Variants in NTAQ1 observed in about 807,000 individuals in gnomAD.
NTAQ1 encodes N-terminal glutamine amidase 1.
A neutral mutation model predicts 28.2 loss-of-function variants in NTAQ1; 21 were observed. The ratio of observed to expected loss-of-function variants is 0.74; its 90% CI spans 0.53 to 1.07. The LOEUF (loss-of-function observed/expected upper bound fraction) is 1.07. Among genes scored for constraint, NTAQ1 ranks in the 50% least tolerant of loss-of-function variants. The pLI is 0.00. For synonymous variants in NTAQ1, 105 were observed against 90.0 expected (o/e 1.17, Z -0.94); for missense variants, 264 against 256.6 (o/e 1.03, Z -0.20).
downstream of NTAQ1, among the ~76,000 whole-genome samples, chr8:123,449,059 G>C (rs780252016): frequency 6.6e-6 from 1 of 152,210 alleles, no homozygotes; most frequent in Non-Finnish European, 1.5e-5. Flanking sequence ...TGAAAGCCCT[G>C]TCTCCTGGGA....
chr8:123,451,443 A>C (rs185906896), downstream of NTAQ1, among the ~76,000 whole-genome samples: 19 of 152,224 alleles, frequency 1.2e-4, no homozygotes, highest in Admixed American at 3.3e-4. Flanking sequence ...GATTCAAGGG[A>C]TTCTCCTGCC....
chr8:123,434,129 G>GCTCCTGCCTGCATTGCT (rs373215386), intron 3 of NTAQ1, among the ~76,000 whole-genome samples: 14 of 152,112 alleles, frequency 9.2e-5, no homozygotes, highest in East Asian at 7.7e-4. Context: ...GCGCTTACCT[G>GCTCCTGCCTGCATTGCT]CTCCTGCCTG....
intron 6 of NTAQ1, among the ~76,000 whole-genome samples, chr8:123,464,219 G>T (rs1440369419): frequency 6.6e-6 from 1 of 152,170 alleles, no homozygotes; most frequent in Non-Finnish European, 1.5e-5. Context: ...GAGCAAGGAG[G>T]CTGGGTCTTT....
intron 6 of NTAQ1, among the ~76,000 whole-genome samples, chr8:123,455,785 G>A (rs1226938789): frequency 1.3e-5 from 2 of 152,058 alleles, no homozygotes; most frequent in Non-Finnish European, 2.9e-5. Flanking sequence ...TCTACTGCAG[G>A]TGTTCTGGGA....
At chr8:123,441,122 G>A (rs752390755) in intron 5 of NTAQ1, among the ~76,000 whole-genome samples, 184 bp from the exon 6 acceptor site, 1 of 152,058 alleles carries the variant, frequency 6.6e-6, no homozygotes, top group Non-Finnish European at 1.5e-5. Context: ...CCTCAGTTTG[G>A]GTGTGTGTGT....
chr8:123,418,908 A>T (rs906935445), intron 1 of NTAQ1, among the ~76,000 whole-genome samples: 1 of 152,086 alleles, frequency 6.6e-6, no homozygotes, highest in Non-Finnish European at 1.5e-5. Flanking sequence ...TACCCACTAG[A>T]TACTGTTAGC....
intron 6 of NTAQ1, among the ~76,000 whole-genome samples, chr8:123,457,730 A>G (rs971891938): frequency 2.7e-4 from 41 of 152,028 alleles, no homozygotes; most frequent in Admixed American, 3.9e-4. Flanking sequence ...CTGTGAATAT[A>G]TTACTTATTA....
intron 2 of NTAQ1, among the ~76,000 whole-genome samples, chr8:123,428,249 G>T (rs1398769980): frequency 6.6e-6 from 1 of 152,146 alleles, no homozygotes; most frequent in Non-Finnish European, 1.5e-5. Flanking sequence ...AGGCTGGAGT[G>T]CAGTGGCGTG....
At chr8:123,423,335 T>TCTTTTCCTCCCTTTCCCTC (rs1813836452) in intron 1 of NTAQ1, among the ~76,000 whole-genome samples, 2 of 142,344 alleles carry the variant, frequency 1.4e-5, no homozygotes, top group Non-Finnish European at 3.2e-5. Context: ...TCTTTGTCTT[T>TCTTTTCCTCCCTTTCCCTC]CTTTTCCTTC....
exon 7 of NTAQ1, among the ~76,000 whole-genome samples, chr8:123,468,003 C>T (rs1432298551): frequency 6.6e-6 from 1 of 152,190 alleles, no homozygotes; most frequent in Non-Finnish European, 1.5e-5. Flanking sequence ...CCGCCTTCAC[C>T]TCCCAAAGTG....
intron 1 of NTAQ1, among the ~76,000 whole-genome samples, chr8:123,425,527 T>G (rs527277471): frequency 6.6e-6 from 1 of 152,090 alleles, no homozygotes; most frequent in South Asian, 2.1e-4. Flanking sequence ...CCTAGTTATT[T>G]TAGAGAAAAG....
chr8:123,416,740 TC>T, upstream of NTAQ1: 3 of 1,067,896 alleles, frequency 2.8e-6, no homozygotes, highest in Non-Finnish European at 3.7e-6. Context: ...CCCCCCGGGC[TC>T]CGCCCACCCC....
chr8:123,443,449 AG>A (rs1427574731), downstream of NTAQ1, among the ~76,000 whole-genome samples: 2 of 152,232 alleles, frequency 1.3e-5, no homozygotes, highest in African/African-American at 4.8e-5. Flanking sequence ...GCTTCAATAA[AG>A]CTGTTTTCTT....
chr8:123,416,798 T>C lies in NTAQ1; in HGVS notation c.-52T>C. 4.7e-6 allele frequency: 7 copies of C among 1,494,722 alleles called. No homozygotes were observed. The highest frequency in any genetic ancestry group is 6.2e-6 in the Non-Finnish European group (7 of 1,120,700). The allele number at this position is 1,494,722 out of a possible 1,614,324, so 92.6% of individuals were successfully genotyped here. A position where few individuals can be genotyped will look rare whatever the true frequency, so the allele number is the denominator to read the frequency against. On this transcript the variant is annotated 5_prime_UTR_variant, in exon 1 of 6. Transcript: ENST00000287387. ...CACTACAAGCCCGCCCTTTCCTACGTCTGGTCCAGTCGGTCTTCCTCCGGC... is the reference window on the plus strand; with the variant it reads ...CACTACAAGCCCGCCCTTTCCTACGCCTGGTCCAGTCGGTCTTCCTCCGGC...
intron 1 of NTAQ1, among the ~76,000 whole-genome samples, chr8:123,424,585 G>T (rs1813926764): frequency 1.3e-5 from 2 of 149,570 alleles, no homozygotes. Flanking sequence ...TGTTGGCCAG[G>T]CTGGTCTTGA....
chr8:123,467,997 C>G (rs1343887614), exon 7 of NTAQ1, among the ~76,000 whole-genome samples: 1 of 152,200 alleles, frequency 6.6e-6, no homozygotes, highest in Non-Finnish European at 1.5e-5. Context: ...ATCCACCCGC[C>G]TTCACCTCCC....
At chr8:123,451,933 G>A (rs1332445125), downstream of NTAQ1, among the ~76,000 whole-genome samples, 1 of 152,080 alleles carries the variant, frequency 6.6e-6, no homozygotes, top group African/African-American at 2.4e-5. Context: ...TTTTCAAACC[G>A]GTTTTGTCTG....
At chr8:123,430,287 T>C (rs1265188466) in intron 3 of NTAQ1, among the ~76,000 whole-genome samples, 1 of 152,246 alleles carries the variant, frequency 6.6e-6, no homozygotes, top group East Asian at 1.9e-4. Flanking sequence ...ATCTAGACTC[T>C]TACCATTTAG....
chr8:123,472,049 T>C (rs761515951), downstream of NTAQ1, among the ~76,000 whole-genome samples: 2 of 152,220 alleles, frequency 1.3e-5, no homozygotes, highest in Non-Finnish European at 2.9e-5. Context: ...TGTACTGTTA[T>C]TTGATAGGGG....
Sources: allele counts gnomAD v4.1 joint callset (sites outside exome capture counted in the v4.1 genomes callset), GRCh38; gene constraint gnomAD v4.1.1; transcripts MANE v1.5; gene names NCBI Gene and HGNC (gene_info 2026-07-23, HGNC 2026-07-21).